CEP89: variants seen among roughly 807,000 people sequenced by gnomAD.
CEP89 encodes the protein centrosomal protein 89.
Under a neutral mutation model 97.6 loss-of-function variants are expected in CEP89, and 95 were observed. The observed-to-expected ratio is 0.97, with a 90% CI of 0.82 to 1.15. The LOEUF (loss-of-function observed/expected upper bound fraction) is 1.15. Among genes scored for constraint, CEP89 ranks in the 50% most tolerant of loss-of-function variants. The pLI, the probability that CEP89 is intolerant of heterozygous loss-of-function variation, is 0.00. For synonymous variants in CEP89, 354 were observed against 349.1 expected (o/e 1.01, Z -0.16); for missense variants, 869 against 947.7 (o/e 0.92, Z 1.09).
At chr19:32,956,792 A>T (rs1971058529) in intron 3 of CEP89, among the ~76,000 whole-genome samples, 1 of 152,240 alleles carries the variant, frequency 6.6e-6, no homozygotes, top group Admixed American at 6.5e-5. Flanking sequence ...TAAACATAAA[A>T]GCGATTAAAA....
chr19:32,970,235 C>T (rs1481044897), intron 1 of CEP89: 1 of 152,272 alleles, frequency 6.6e-6, no homozygotes, highest in African/African-American at 2.4e-5. Context: ...ACATCAACAG[C>T]AGTTCTTGTT....
rs534738880 is a variant in CEP89 at position 32,891,196 on chromosome 19, G to A, written c.1876-3355C>T. 2.2e-4 allele frequency among the ~76,000 whole-genome samples: 33 copies of A among 152,288 alleles called. No individual in the cohort carries two copies. In the South Asian group the frequency reaches 4.6e-3, roughly 21 times the overall value. ...ACCCCCTCCAGCCGCAGAGCCCTGC[G>A]CACGTGCATGTGCCCTGAAGACAGG... On this transcript the variant is annotated intron_variant, in intron 16 of 18. Coordinates refer to ENST00000305768, the MANE Select transcript of CEP89 (RefSeq NM_032816.5).
chr19:32,879,027 T>G lies in CEP89; in HGVS notation c.*135A>C, dbSNP rs185168817. 5.3e-4 allele frequency: 322 copies of G among 612,354 alleles called. No homozygotes were observed. In the African/African-American group the frequency reaches 5.3e-3, roughly 10 times the overall value. 37.9% of individuals were successfully genotyped at this position (612,354 alleles called of 1,614,324 possible). A position where few individuals can be genotyped will look rare whatever the true frequency, so the allele number is the denominator to read the frequency against. On this transcript the variant is annotated 3_prime_UTR_variant, in exon 19 of 19. Coordinates refer to ENST00000305768, the MANE Select transcript of CEP89 (RefSeq NM_032816.5). The stretch of plus-strand genomic sequence containing the variant: ...CAATGGATTAAACTATGAGACCATT[T>G]ATTTCTTCCCTGCCCTGCAGCGTTC...
Position 32,901,319 on chromosome 19 carries a change from C to T in CEP89, c.1659G>A (p.Leu553=), listed in dbSNP as rs770449339. ...GCTCTGTCAAACTGTTCTTCTCTAA[C>T]AGCAGGCTCTTCTTCTGCGCTTGCA... ...TVLQAQKKSL[L]LEKNSLTEQN... is the part of the protein sequence containing the mutation. Residue 553 remains leucine, a synonymous_variant, in exon 15 of 19, where the codon CTG becomes CTA. Transcript: ENST00000305768. 3 of 1,614,088 alleles carry T rather than the reference C, an allele frequency of 1.9e-6. No homozygotes were observed. Among genetic ancestry groups the T allele is most frequent in the Non-Finnish European group, 2.5e-6 (3 of 1,180,042 alleles).
chr19:32,890,958 C>G (rs973092303), intron 16 of CEP89, among the ~76,000 whole-genome samples: 2 of 152,224 alleles, frequency 1.3e-5, no homozygotes, highest in Non-Finnish European at 2.9e-5. Flanking sequence ...GGACATCTCC[C>G]CACATGCACC....
At chr19:32,957,900 G>A (rs1329107701) in intron 3 of CEP89, among the ~76,000 whole-genome samples, 1 of 152,096 alleles carries the variant, frequency 6.6e-6, no homozygotes, top group Admixed American at 6.6e-5. Context: ...GGAGGCTAAG[G>A]CAGGAGAATC....
intron 3 of CEP89, among the ~76,000 whole-genome samples, chr19:32,955,993 C>T (rs1157022943): frequency 6.6e-6 from 1 of 150,878 alleles, no homozygotes; most frequent in African/African-American, 2.4e-5. Flanking sequence ...TTTCCATATA[C>T]TTGTGTTCAG....
intron 12 of CEP89, among the ~76,000 whole-genome samples, chr19:32,921,782 G>T (rs1231269786): frequency 6.6e-6 from 1 of 152,158 alleles, no homozygotes; most frequent in African/African-American, 2.4e-5. Flanking sequence ...GCTCAGCCAG[G>T]GAGGTCACAG....
chr19:32,915,185 G>A (rs3764632), intron 14 of CEP89, 152 bp downstream of exon 14: 140,936 of 627,982 alleles, frequency 0.22, 18,018 homozygotes, highest in East Asian at 0.54. Flanking sequence ...TCAGCTGGGC[G>A]CAGTGGCTCA....
chr19:32,948,266 C>CT lies in CEP89; in HGVS notation c.594dup (p.Asp199ArgfsTer3), dbSNP rs1970838150. On this transcript the variant is annotated frameshift_variant and splice_region_variant, in exon 5 of 19. Transcript: ENST00000305768. LOFTEE classifies it high-confidence loss of function. Reference sequence around the variant, plus strand: ...AAAAATTGTGGTTTTTTTTTTCTACCTTTTTGTTGTGTCCGCTGTGGTGCA... The same window carrying CT: ...AAAAATTGTGGTTTTTTTTTTCTACCTTTTTTGTTGTGTCCGCTGTGGTGCA... 6.5e-7 allele frequency: 1 copy of CT among 1,534,300 alleles called. No homozygotes were observed. Among genetic ancestry groups the CT allele is most frequent in the African/African-American group, 1.4e-5 (1 of 71,514 alleles).
chr19:32,955,166 G>C (rs1971020947), intron 3 of CEP89, among the ~76,000 whole-genome samples: 2 of 150,224 alleles, frequency 1.3e-5, no homozygotes, highest in East Asian at 2.0e-4. Flanking sequence ...TTGTTTGTTT[G>C]TTTATTTGTA....
At chr19:32,923,677 A>C (rs1297572861) in intron 11 of CEP89, 135 bp from the exon 12 acceptor site, 28 of 629,872 alleles carry the variant, frequency 4.4e-5, no homozygotes, top group Non-Finnish European at 7.9e-5. Flanking sequence ...CCAGCCTTCA[A>C]CTCTCGGTAC....
Position 32,879,179 on chromosome 19 carries a change from G to A in CEP89, c.2335C>T (p.His779Tyr), listed in dbSNP as rs759032645. 1.9e-6 allele frequency: 3 copies of A among 1,610,624 alleles called. No homozygotes were observed. Among genetic ancestry groups the A allele is most frequent in the South Asian group, 2.2e-5 (2 of 90,708 alleles). ...CDVCSYDLKSHAPTC is the reference protein window; with the variant it reads ...CDVCSYDLKSYAPTC Reference sequence around the variant, plus strand: ...CGCAGATTCTAGCAGGTGGGGGCATGAGACTTCAGGTCATAGGAGCAGACA... The same window carrying A: ...CGCAGATTCTAGCAGGTGGGGGCATAAGACTTCAGGTCATAGGAGCAGACA... Residue 779 changes from histidine (H) to tyrosine (Y), a missense_variant, in exon 19 of 19, where the codon CAT (histidine) becomes TAT (tyrosine). By Grantham distance (83) the His-to-Tyr change is moderately conservative. Coordinates refer to ENST00000305768, the MANE Select transcript of CEP89 (RefSeq NM_032816.5).
At chr19:32,941,195 C>T (rs2145941405) in intron 5 of CEP89, among the ~76,000 whole-genome samples, 1 of 152,170 alleles carries the variant, frequency 6.6e-6, no homozygotes, top group Middle Eastern at 3.4e-3. Flanking sequence ...GCTAGAGATA[C>T]ATACAAGATT....
chr19:32,892,883 G>A (rs778181212), intron 16 of CEP89, among the ~76,000 whole-genome samples: 17 of 151,906 alleles, frequency 1.1e-4, no homozygotes, highest in Non-Finnish European at 2.4e-4. Context: ...CACATGAAAT[G>A]ATAAAACTAA....
chr19:32,965,291 C>T (rs1456242419), intron 2 of CEP89, among the ~76,000 whole-genome samples: 1 of 152,136 alleles, frequency 6.6e-6, no homozygotes, highest in South Asian at 2.1e-4. Flanking sequence ...GTCCCAGCTA[C>T]TCAGGACGCT....
Position 32,953,779 on chromosome 19 carries a change from C to A in CEP89, c.328G>T (p.Gly110Ter). The change falls in exon 4 of 19, where the codon GGA becomes TGA. Residue 110 changes from glycine (G) to a stop codon, truncating the protein, a stop_gained. Coordinates refer to ENST00000305768, the MANE Select transcript of CEP89 (RefSeq NM_032816.5). LOFTEE classifies it high-confidence loss of function. ...RPRPNWQSEM[G>*]RRSSLPSFET... The stretch of plus-strand genomic sequence containing the variant: ...AAGGATGGCAAAGAAGATCTTCTTC[C>A]CATCTCACTCTGCCAATTTGGCCTG... The A allele has an allele frequency of 6.2e-7, 1 of 1,613,898 alleles. No individual in the cohort carries two copies. The highest frequency in any genetic ancestry group is 8.5e-7 in the Non-Finnish European group (1 of 1,179,884).
At chr19:32,904,636 G>A (rs530031161) in intron 14 of CEP89, among the ~76,000 whole-genome samples, 181 of 145,964 alleles carry the variant, frequency 1.2e-3, no homozygotes, top group Middle Eastern at 7.3e-3. Context: ...TCTGTCACCA[G>A]GCTGGAATGC....
intron 4 of CEP89, among the ~76,000 whole-genome samples, chr19:32,950,253 T>C (rs1970882644): frequency 6.6e-6 from 1 of 152,070 alleles, no homozygotes; most frequent in South Asian, 2.1e-4. Flanking sequence ...GTGAAATAGG[T>C]AAGATGACTT....
Sources: allele counts gnomAD v4.1 joint callset (sites outside exome capture counted in the v4.1 genomes callset), GRCh38; gene constraint gnomAD v4.1.1; transcripts MANE v1.5; gene names NCBI Gene and HGNC (gene_info 2026-07-23, HGNC 2026-07-21).